ZSWIM5: variants seen among roughly 807,000 people sequenced by gnomAD.
The protein encoded by ZSWIM5 is zinc finger SWIM domain-containing protein 5.
Under a neutral mutation model 119.6 loss-of-function variants are expected in ZSWIM5, and 55 were observed. The observed-to-expected ratio is 0.46, with a 90% CI of 0.37 to 0.58. The LOEUF (loss-of-function observed/expected upper bound fraction) is 0.58, where lower values mean the gene tolerates loss of function less well. ZSWIM5 is among the 20% of genes least tolerant of loss of function. The pLI is 0.00. For synonymous variants in ZSWIM5, 537 were observed against 606.9 expected (o/e 0.88, Z 1.69); for missense variants, 1,193 against 1,512.8 (o/e 0.79, Z 3.51).
intron 1 of ZSWIM5, among the ~76,000 whole-genome samples, chr1:45,121,478 T>A (rs940968762): frequency 6.6e-6 from 1 of 152,184 alleles, no homozygotes; most frequent in Non-Finnish European, 1.5e-5. Context: ...TGTAACCAAC[T>A]TCATTATCAC....
At chr1:45,042,587 GTA>G (rs1645023207) in intron 6 of ZSWIM5, among the ~76,000 whole-genome samples, 1 of 152,140 alleles carries the variant, frequency 6.6e-6, no homozygotes, top group Non-Finnish European at 1.5e-5. Flanking sequence ...CAATGAAAAT[GTA>G]TGTCATTGCT....
intron 1 of ZSWIM5, among the ~76,000 whole-genome samples, chr1:45,164,386 T>C (rs1031475203): frequency 5.3e-5 from 8 of 152,070 alleles, no homozygotes; most frequent in African/African-American, 1.9e-4. Flanking sequence ...GTAAAAACCA[T>C]TGATGCTAGG....
intron 11 of ZSWIM5, among the ~76,000 whole-genome samples, chr1:45,021,446 G>A (rs1420491029): frequency 6.6e-6 from 1 of 152,066 alleles, no homozygotes; most frequent in Non-Finnish European, 1.5e-5. Flanking sequence ...AAAGGAGCGG[G>A]GCCACCACTT....
chr1:45,128,286 T>C (rs1014444292), intron 1 of ZSWIM5, among the ~76,000 whole-genome samples: 1 of 152,138 alleles, frequency 6.6e-6, no homozygotes, highest in African/African-American at 2.4e-5. Context: ...CTCAACTCCC[T>C]GGGCTCAAGC....
chr1:45,113,394 G>A (rs1397541151), intron 1 of ZSWIM5, among the ~76,000 whole-genome samples: 1 of 152,120 alleles, frequency 6.6e-6, no homozygotes, highest in African/African-American at 2.4e-5. Flanking sequence ...TTTAGAGACA[G>A]GGTCTTGCTG....
chr1:45,205,864 CGG>C lies in ZSWIM5; in HGVS notation c.485_486del (p.Pro162ArgfsTer46). 1 of 1,359,420 alleles carries C rather than the reference CGG, an allele frequency of 7.4e-7. No homozygotes were observed. The highest frequency in any genetic ancestry group is 3.7e-5 in the East Asian group (1 of 27,180). 84.2% of individuals were successfully genotyped at this position (1,359,420 alleles called of 1,614,324 possible). ...APGGVAAGAS[P>X]GLGAGAGAAG... ...GCCGCGCCGGCCCCTGCGCCCAGCC[CGG>C]GGGATGCCCCAGCCGCGACGCCCCC... On this transcript the variant is annotated frameshift_variant, in exon 1 of 14. Transcript: ENST00000359600. LOFTEE classifies it high-confidence loss of function.
rs1185637724 is a variant in ZSWIM5, at chr1:45,018,576, G to A, written c.3436C>T (p.Arg1146Trp). Residue 1146 changes from arginine (R) to tryptophan (W), a missense_variant, in exon 14 of 14, where the codon CGG (arginine) becomes TGG (tryptophan). Arg to Trp is a moderately radical substitution (Grantham distance 101). Coordinates refer to ENST00000359600, the MANE Select transcript of ZSWIM5 (RefSeq NM_020883.2). This position sits in a 1 kb window ranked among gnomAD's most constrained non-coding sequence, Gnocchi z 6.7. Reference protein sequence around the residue: ...GEFIEFLSKARETFLLPQDGH... With the variant: ...GEFIEFLSKAWETFLLPQDGH... ...TCCTGGGGCAGCAGGAAGGTCTCCCGAGCCTTGCTTAGAAACTCAATGAAC... is the reference window on the plus strand; with the variant it reads ...TCCTGGGGCAGCAGGAAGGTCTCCCAAGCCTTGCTTAGAAACTCAATGAAC... The A allele has an allele frequency of 3.1e-6, 5 of 1,614,214 alleles. No individual in the cohort carries two copies. The highest frequency in any genetic ancestry group is 3.3e-5 in the Admixed American group (2 of 60,030).
At chr1:45,065,392 G>A (rs1416749588) in intron 2 of ZSWIM5, among the ~76,000 whole-genome samples, 1 of 152,182 alleles carries the variant, frequency 6.6e-6, no homozygotes. Context: ...CAACTGGCTG[G>A]AAGTGTGGAC....
At chr1:45,180,226 A>T (rs945042749) in intron 1 of ZSWIM5, among the ~76,000 whole-genome samples, 9 of 152,128 alleles carry the variant, frequency 5.9e-5, no homozygotes, top group Admixed American at 3.9e-4. Flanking sequence ...GGCCACTCCC[A>T]CCCGAATACT....
At chr1:45,187,450 C>T (rs1446637768) in intron 1 of ZSWIM5, among the ~76,000 whole-genome samples, 1 of 151,456 alleles carries the variant, frequency 6.6e-6, no homozygotes. Flanking sequence ...CAAAATGAAA[C>T]ATAAAACAAA....
intron 2 of ZSWIM5, among the ~76,000 whole-genome samples, chr1:45,060,911 A>G (rs1324020281): frequency 1.3e-5 from 2 of 152,170 alleles, no homozygotes; most frequent in African/African-American, 4.8e-5. Flanking sequence ...TCCTGGGCTC[A>G]AGCAATCCTC....
intron 1 of ZSWIM5, among the ~76,000 whole-genome samples, chr1:45,115,125 C>T (rs1048667520): frequency 1.3e-5 from 2 of 152,224 alleles, no homozygotes; most frequent in Non-Finnish European, 2.9e-5. Context: ...AAACCGCCAT[C>T]GTCATCATGG....
chr1:45,190,978 G>A lies in ZSWIM5; in HGVS notation c.595+14778C>T, dbSNP rs145703637. Among the ~76,000 whole-genome samples, 603 of 110,066 alleles carry A rather than the reference G, an allele frequency of 5.5e-3. 7 individuals are homozygous for A. Among genetic ancestry groups the A allele is most frequent in the African/African-American group, 0.021 (566 of 27,600 alleles). The allele number at this position is 110,066 out of a possible 152,430, so 72.2% of individuals were successfully genotyped here. ...TTTTTTTTTTTTGAGACGGAGTCTC[G>A]CTCTTTCGCCCAGGCCGGAGTGCAG... On this transcript the variant is annotated intron_variant, in intron 1 of 13. Coordinates refer to ENST00000359600, the MANE Select transcript of ZSWIM5 (RefSeq NM_020883.2).
At chr1:45,062,172 G>A (rs1645156121) in intron 2 of ZSWIM5, among the ~76,000 whole-genome samples, 1 of 152,166 alleles carries the variant, frequency 6.6e-6, no homozygotes, top group African/African-American at 2.4e-5. Context: ...TCTGTGACAA[G>A]TTTTTAGAAA....
At chr1:45,138,878 TTTTC>T (rs1010858164) in intron 1 of ZSWIM5, among the ~76,000 whole-genome samples, 10 of 150,120 alleles carry the variant, frequency 6.7e-5, no homozygotes, top group Non-Finnish European at 1.3e-4. Flanking sequence ...GAAATTTCGT[TTTTC>T]TTTTTCTTTT....
At chr1:45,070,436 G>C in intron 2 of ZSWIM5, 1 of 1,292,584 alleles carries the variant, frequency 7.7e-7, no homozygotes, top group East Asian at 2.3e-5. Context: ...CCATGTTGGT[G>C]GCAGCAAGGG....
At chr1:45,075,777 C>A (rs1476985861) in intron 2 of ZSWIM5, among the ~76,000 whole-genome samples, 1 of 150,920 alleles carries the variant, frequency 6.6e-6, no homozygotes, top group Non-Finnish European at 1.5e-5. Context: ...GTTCTGTGGT[C>A]TTCTCTTCCT....
chr1:45,165,277 G>C (rs1645893905), intron 1 of ZSWIM5, among the ~76,000 whole-genome samples: 2 of 152,042 alleles, frequency 1.3e-5, no homozygotes, highest in South Asian at 4.2e-4. Context: ...ATGAGAACAA[G>C]GACACAACAT....
chr1:45,198,625 G>A (rs1488668884), intron 1 of ZSWIM5, among the ~76,000 whole-genome samples: 1 of 152,094 alleles, frequency 6.6e-6, no homozygotes, highest in Non-Finnish European at 1.5e-5. Context: ...AATTCTATAA[G>A]AGTTTTGATG....
Sources: allele counts gnomAD v4.1 joint callset (sites outside exome capture counted in the v4.1 genomes callset), GRCh38; gene constraint gnomAD v4.1.1; non-coding constraint Gnocchi (gnomAD v3.1); transcripts MANE v1.5; gene names NCBI Gene and HGNC (gene_info 2026-07-23, HGNC 2026-07-21).